The following SLC25A26 variants were observed in gnomAD, a reference collection of about 807,000 sequenced individuals.
SLC25A26 encodes solute carrier family 25 member 26.
In SLC25A26, 36 loss-of-function variants were observed where a neutral mutation model predicts 37.8. The ratio of observed to expected loss-of-function variants is 0.95; its 90% CI spans 0.73 to 1.26. The LOEUF (loss-of-function observed/expected upper bound fraction) is 1.26, where lower values mean the gene tolerates loss of function less well. Among genes scored for constraint, SLC25A26 ranks in the 50% most tolerant of loss-of-function variants. The probability of loss-of-function intolerance (pLI) is 0.00; values close to 1 mark genes in which losing one functional copy is unlikely to be tolerated. For synonymous variants in SLC25A26, 129 were observed against 122.5 expected (o/e 1.05, Z -0.35); for missense variants, 390 against 331.1 (o/e 1.18, Z -1.38).
intron 5 of SLC25A26, among the ~76,000 whole-genome samples, chr3:66,311,817 A>G (rs1488717763): frequency 6.6e-6 from 1 of 152,152 alleles, no homozygotes; most frequent in East Asian, 1.9e-4. Flanking sequence ...TATCACCACC[A>G]GAGGCTGCAG....
Position 66,180,974 on chromosome 3 carries a change from A to G in SLC25A26, c.-353-39768A>G, listed in dbSNP as rs372093353. Among the ~76,000 whole-genome samples the G allele has an allele frequency of 3.9e-4, 60 of 152,338 alleles. 3 individuals carry two copies. The East Asian group carries it at 0.011, about 27-fold the overall frequency. ...ACACCAGGAGTGTACATACACAGGA[A>G]AAAGGCCATGGGAGGACACAAGGAG... On this transcript the variant is annotated intron_variant, in intron 1 of 10. Coordinates refer to the SLC25A26 transcript ENST00000676754.
intron 1 of SLC25A26, among the ~76,000 whole-genome samples, chr3:66,137,931 T>G (rs561578856): frequency 6.6e-6 from 1 of 152,196 alleles, no homozygotes; most frequent in Admixed American, 6.5e-5. Context: ...CCTCCCAGGT[T>G]CAAGCGATTC....
intron 6 of SLC25A26, among the ~76,000 whole-genome samples, chr3:66,346,756 GTGTGTT>G (rs1175705626): frequency 2.1e-5 from 3 of 145,024 alleles, no homozygotes; most frequent in Non-Finnish European, 4.5e-5. Flanking sequence ...GTGTGTGTGT[GTGTGTT>G]TAGAAGTTAA....
intron 9 of SLC25A26, among the ~76,000 whole-genome samples, chr3:66,374,201 AATTG>A (rs79923532): frequency 0.2 from 30,952 of 152,160 alleles, 3,328 homozygotes; most frequent in Admixed American, 0.27. Context: ...TTTTTTTCCA[AATTG>A]AAGGTTTGTG....
intron 6 of SLC25A26, among the ~76,000 whole-genome samples, chr3:66,350,702 G>A (rs1040592885): frequency 3.0e-5 from 4 of 131,494 alleles, no homozygotes; most frequent in African/African-American, 1.0e-4. Context: ...CTGTGTGTGT[G>A]TGTGTGTGTG....
chr3:66,224,296 A>C (rs1175136015), intron 1 of SLC25A26, among the ~76,000 whole-genome samples: 7 of 152,204 alleles, frequency 4.6e-5, no homozygotes, highest in African/African-American at 1.7e-4. Context: ...TAAAGGAAAG[A>C]GTCTTAATTG....
At chr3:66,273,156 G>A (rs2074013950) in intron 5 of SLC25A26, among the ~76,000 whole-genome samples, 1 of 152,118 alleles carries the variant, frequency 6.6e-6, no homozygotes, top group African/African-American at 2.4e-5. Flanking sequence ...CTTGATCATG[G>A]TGGATAAGCT....
chr3:66,281,633 GTT>G (rs1029374515), intron 5 of SLC25A26, among the ~76,000 whole-genome samples: 9 of 152,122 alleles, frequency 5.9e-5, no homozygotes, highest in African/African-American at 2.2e-4. Flanking sequence ...TAAAGTGACA[GTT>G]CAAGGGATTT....
At chr3:66,342,401 T>G (rs2076229550) in intron 5 of SLC25A26, among the ~76,000 whole-genome samples, 1 of 152,218 alleles carries the variant, frequency 6.6e-6, no homozygotes, top group Non-Finnish European at 1.5e-5. Flanking sequence ...AAGTCTTACT[T>G]ATTTTTAAAA....
intron 1 of SLC25A26, among the ~76,000 whole-genome samples, chr3:66,173,043 T>A (rs991797077): frequency 2.0e-5 from 3 of 152,224 alleles, no homozygotes; most frequent in Non-Finnish European, 4.4e-5. Context: ...TTTTCAGAAA[T>A]CTTTCTCTCC....
chr3:66,310,199 T>C (rs2075338305), intron 5 of SLC25A26, among the ~76,000 whole-genome samples: 1 of 152,230 alleles, frequency 6.6e-6, no homozygotes, highest in African/African-American at 2.4e-5. Context: ...TGGGTGCATA[T>C]ATATTTAGGA....
intron 6 of SLC25A26, 84 bp downstream of exon 6, chr3:66,346,492 T>C: frequency 5.7e-6 from 3 of 526,030 alleles, no homozygotes; most frequent in South Asian, 4.9e-5. Context: ...GAACATAATG[T>C]TGACTAGAAG....
intron 1 of SLC25A26, among the ~76,000 whole-genome samples, chr3:66,232,332 G>C (rs1172049932): frequency 3.3e-5 from 5 of 151,860 alleles, no homozygotes; most frequent in Non-Finnish European, 7.4e-5. Flanking sequence ...GGAATTGCCT[G>C]GTCCTGTCTT....
At chr3:66,310,458 C>G (rs2075346086) in intron 5 of SLC25A26, among the ~76,000 whole-genome samples, 1 of 152,136 alleles carries the variant, frequency 6.6e-6, no homozygotes, top group African/African-American at 2.4e-5. Flanking sequence ...TCCAATTTGC[C>G]AGTCTGTTTC....
chr3:66,230,816 A>AAC (rs1391255101), intron 1 of SLC25A26, among the ~76,000 whole-genome samples: 2 of 141,158 alleles, frequency 1.4e-5, no homozygotes, highest in Non-Finnish European at 3.0e-5. Context: ...AAAAAAAAAA[A>AAC]AAACAAAAAA....
intron 1 of SLC25A26, among the ~76,000 whole-genome samples, chr3:66,182,593 A>G (rs1054114758): frequency 1.3e-5 from 2 of 152,064 alleles, no homozygotes; most frequent in Admixed American, 6.6e-5. Flanking sequence ...GAGTTTGAAA[A>G]GGCCATAAAA....
chr3:66,346,630 T>C (rs2076329286), intron 6 of SLC25A26, among the ~76,000 whole-genome samples: 1 of 152,050 alleles, frequency 6.6e-6, no homozygotes, highest in Non-Finnish European at 1.5e-5. Context: ...GGCACTGAAA[T>C]CCACAGATAA....
At chr3:66,199,328 C>G (rs1356726763) in intron 1 of SLC25A26, among the ~76,000 whole-genome samples, 1 of 152,034 alleles carries the variant, frequency 6.6e-6, no homozygotes, top group Non-Finnish European at 1.5e-5. Context: ...GACTCTGACC[C>G]TCATCCTGAC....
chr3:66,355,620 T>C (rs2076556933), intron 6 of SLC25A26, among the ~76,000 whole-genome samples: 1 of 152,226 alleles, frequency 6.6e-6, no homozygotes, highest in Non-Finnish European at 1.5e-5. Context: ...GAACTTGCTA[T>C]CAGAAATCTC....
Sources: allele counts gnomAD v4.1 joint callset (sites outside exome capture counted in the v4.1 genomes callset), GRCh38; gene constraint gnomAD v4.1.1; transcripts MANE v1.5; gene names NCBI Gene and HGNC (gene_info 2026-07-23, HGNC 2026-07-21).